The following NSD2 variants were observed in gnomAD, a reference collection of about 807,000 sequenced individuals.
The protein encoded by NSD2 is nuclear receptor binding SET domain protein 2.
Under a neutral mutation model 139.0 loss-of-function variants are expected in NSD2, and 12 were observed. That is an observed-to-expected ratio of 0.09 (90% CI 0.06 to 0.14). The LOEUF is 0.14. NSD2 is among the 10% of genes least tolerant of loss of function. The pLI is 1.00. For missense variants in NSD2, 1,155 were observed against 1,745.0 expected, an observed-to-expected ratio of 0.66 and a Z score of 6.02; for synonymous variants, 669 against 648.7, an observed-to-expected ratio of 1.03 and a Z score of -0.48.
At chr4:1,930,014 C>T (rs1397610889) in intron 5 of NSD2, among the ~76,000 whole-genome samples, 1 of 152,168 alleles carries the variant, frequency 6.6e-6, no homozygotes, top group Non-Finnish European at 1.5e-5. Flanking sequence ...TGGGGTGGGG[C>T]CCGGGAGTCT....
intron 7 of NSD2, among the ~76,000 whole-genome samples, chr4:1,935,959 G>C (rs1370763753): frequency 6.6e-6 from 1 of 152,190 alleles, no homozygotes; most frequent in Non-Finnish European, 1.5e-5. Flanking sequence ...GTCCATTAGA[G>C]ATATGTGTTA....
intron 5 of NSD2, among the ~76,000 whole-genome samples, chr4:1,919,396 T>C (rs1351696950): frequency 6.6e-6 from 1 of 152,164 alleles, no homozygotes; most frequent in Non-Finnish European, 1.5e-5. Context: ...GGTAGCAATG[T>C]GATTAAGACA....
intron 3 of NSD2, among the ~76,000 whole-genome samples, chr4:1,908,837 T>C (rs374965509): frequency 1.3e-5 from 2 of 152,236 alleles, no homozygotes; most frequent in South Asian, 2.1e-4. Flanking sequence ...TAGAGTACAG[T>C]GGCACAATCA....
intron 1 of NSD2, among the ~76,000 whole-genome samples, chr4:1,898,549 A>G (rs1465863287): frequency 1.3e-5 from 2 of 151,782 alleles, no homozygotes; most frequent in African/African-American, 4.8e-5. Context: ...CTGTAGTCCC[A>G]GCTACTCAGG....
intron 2 of NSD2, among the ~76,000 whole-genome samples, chr4:1,903,359 T>TA (rs1159276310): frequency 1.3e-5 from 2 of 152,302 alleles, no homozygotes; most frequent in African/African-American, 4.8e-5. Flanking sequence ...TGTTCAGCCT[T>TA]AACCTACCCA....
At chr4:1,959,864 TTTTG>T (rs2108972422) in intron 17 of NSD2, 124 bp downstream of exon 17, 1 of 1,277,184 alleles carries the variant, frequency 7.8e-7, no homozygotes, top group African/African-American at 1.5e-5. Context: ...AAAAAATTTT[TTTTG>T]TTTTTGTTTT....
intron 1 of NSD2, among the ~76,000 whole-genome samples, chr4:1,885,404 C>T (rs1715011792): frequency 6.6e-6 from 1 of 152,190 alleles, no homozygotes; most frequent in Non-Finnish European, 1.5e-5. Context: ...ACAGAATGAA[C>T]TGTGATCATT....
At chr4:1,934,908 T>TATATATATATATATAA (rs1223710483) in intron 6 of NSD2, among the ~76,000 whole-genome samples, 2 of 79,094 alleles carry the variant, frequency 2.5e-5, no homozygotes, top group Non-Finnish European at 2.5e-5. Flanking sequence ...TATATATATA[T>TATATATATATATATAA]AAAAAACAGA....
intron 5 of NSD2, among the ~76,000 whole-genome samples, chr4:1,925,250 A>G (rs1720712443): frequency 1.3e-5 from 2 of 151,326 alleles, no homozygotes; most frequent in Non-Finnish European, 2.9e-5. Flanking sequence ...CCAATGGCCA[A>G]CCCTTGAGGG....
chr4:1,892,230 C>G (rs1432235424), intron 1 of NSD2: 1 of 152,408 alleles, frequency 6.6e-6, no homozygotes, highest in African/African-American at 2.4e-5. Flanking sequence ...AAGCGATCCT[C>G]CTGCCTTGGT....
intron 10 of NSD2, among the ~76,000 whole-genome samples, chr4:1,951,763 G>A (rs988310432): frequency 3.9e-5 from 6 of 152,182 alleles, no homozygotes; most frequent in Admixed American, 2.6e-4. Flanking sequence ...ACTGCCTGCC[G>A]TCAGCGTGGC....
intron 9 of NSD2, chr4:1,940,720 T>C: frequency 9.4e-7 from 1 of 1,060,952 alleles, no homozygotes; most frequent in East Asian, 5.1e-5. Flanking sequence ...CCCCTTACTC[T>C]TGCTGAGTCA....
At chr4:1,917,524 C>G (rs1263602166) in intron 4 of NSD2, among the ~76,000 whole-genome samples, 2 of 152,114 alleles carry the variant, frequency 1.3e-5, no homozygotes, top group East Asian at 3.8e-4. Context: ...CATCCTCTGC[C>G]CCTCCGGGTT....
At chr4:1,893,769 T>C (rs1245058652) in intron 1 of NSD2, 1 of 152,368 alleles carries the variant, frequency 6.6e-6, no homozygotes, top group Non-Finnish European at 1.5e-5. Flanking sequence ...GGTCTCGAAC[T>C]TCTGAGCTCA....
chr4:1,948,893 G>C lies in NSD2; in HGVS notation c.1882-2179G>C. 1.2e-6 allele frequency: 1 copy of C among 822,544 alleles called. No individual in the cohort carries two copies. The highest frequency in any genetic ancestry group is 6.1e-5 in the Admixed American group (1 of 16,496). 51.0% of individuals were successfully genotyped at this position (822,544 alleles called of 1,614,324 possible). On this transcript the variant is annotated intron_variant, in intron 9 of 21. Coordinates refer to ENST00000508803, the MANE Select transcript of NSD2 (RefSeq NM_001042424.3). This position sits in a 1 kb window ranked among gnomAD's most constrained non-coding sequence, Gnocchi z 4.5. Reference sequence around the variant, plus strand: ...CTCATTTTTAAAGCTTTTTAAGTTTGTTCCACCACGTTAAGGGAAGAGCAT... The same window carrying C: ...CTCATTTTTAAAGCTTTTTAAGTTTCTTCCACCACGTTAAGGGAAGAGCAT...
chr4:1,946,181 A>G, intron 9 of NSD2: 2 of 1,021,308 alleles, frequency 2.0e-6, no homozygotes, highest in Non-Finnish European at 2.3e-6. Context: ...CTGTCATTAG[A>G]AAAGGTTTCT....
Position 1,974,450 on chromosome 4 carries a change from G to A in NSD2, c.3373-413G>A, listed in dbSNP as rs989893704. Among the ~76,000 whole-genome samples the A allele has an allele frequency of 2.6e-5, 4 of 152,204 alleles. No individual in the cohort carries two copies. The highest frequency in any genetic ancestry group is 5.9e-5 in the Non-Finnish European group (4 of 68,028). The stretch of plus-strand genomic sequence containing the variant: ...TCTGGTCTCAAATTCCTGACCTCAG[G>A]TGATCTGCCTGCTTCAGCCTCCCAA... On this transcript the variant is annotated intron_variant, in intron 18 of 21. Coordinates refer to ENST00000508803, the MANE Select transcript of NSD2 (RefSeq NM_001042424.3). The surrounding 1 kb of genome is among the most constrained non-coding windows in gnomAD (Gnocchi z 4.0).
intron 3 of NSD2, among the ~76,000 whole-genome samples, chr4:1,907,483 T>C (rs1577406283): frequency 1.3e-5 from 2 of 152,294 alleles, no homozygotes; most frequent in African/African-American, 4.8e-5. Context: ...TTTTTGTGTA[T>C]GTGTGAAATA....
intron 2 of NSD2, among the ~76,000 whole-genome samples, chr4:1,902,589 G>A (rs1036894072): frequency 3.9e-5 from 6 of 152,078 alleles, no homozygotes; most frequent in Admixed American, 2.0e-4. Flanking sequence ...GAAGAGGCCT[G>A]TGCAAGTTGT....
Sources: gnomAD v4.1 joint callset for allele counts (sites outside exome capture counted in the v4.1 genomes callset) on GRCh38, gnomAD v4.1.1 for gene constraint, Gnocchi (gnomAD v3.1) non-coding constraint, MANE v1.5 for transcripts, NCBI Gene and HGNC (gene_info 2026-07-23, HGNC 2026-07-21) for gene names.